The following DOP1A variants were observed in gnomAD, a reference collection of about 807,000 sequenced individuals.
The protein encoded by DOP1A is DOP1 leucine zipper like protein A.
DOP1A carries 90 observed loss-of-function variants against 267.6 expected under a neutral mutation model. That is an observed-to-expected ratio of 0.34 (90% CI 0.28 to 0.40). The LOEUF (loss-of-function observed/expected upper bound fraction) is 0.40. Ranked by LOEUF, DOP1A falls within the 10% of genes least tolerant of loss-of-function variation. The pLI is 1.00. For missense variants in DOP1A, 2,437 were observed against 2,900.4 expected (o/e 0.84, Z 3.67); for synonymous variants, 932 against 999.1 (o/e 0.93, Z 1.27).
intron 1 of DOP1A, among the ~76,000 whole-genome samples, chr6:83,089,853 A>G (rs1414508372): frequency 6.6e-6 from 1 of 152,228 alleles, no homozygotes; most frequent in Admixed American, 6.5e-5. Flanking sequence ...TGTAGTGAAG[A>G]ATCTTGATTG....
In DOP1A at chr6:83,138,922, A is replaced by C; in HGVS notation, c.4880A>C (p.Gln1627Pro). Residue 1627 changes from glutamine to proline, a missense_variant, in exon 21 of 39, where the codon CAG becomes CCG. Coordinates refer to ENST00000349129, the MANE Select transcript of DOP1A (RefSeq NM_015018.4). ...ISPHQPMTSL[Q>P]YLHAQPITCQ... is the part of the protein sequence containing the mutation. ...CCCCATCAACCCATGACTTCTCTTC[A>C]GTATTTGCATGCTCAGCCAATCACA... 1 of 1,614,100 alleles carries C rather than the reference A, an allele frequency of 6.2e-7. No homozygotes were observed. Among genetic ancestry groups the C allele is most frequent in the Non-Finnish European group, 8.5e-7 (1 of 1,179,958 alleles).
intron 33 of DOP1A, among the ~76,000 whole-genome samples, chr6:83,154,888 A>G (rs1038225079): frequency 3.3e-5 from 5 of 152,214 alleles, no homozygotes; most frequent in African/African-American, 9.6e-5. Context: ...CTTTAGCTAA[A>G]GCTACAGTTT....
downstream of DOP1A, chr6:83,168,913 T>C (rs995679992): frequency 7.4e-6 from 8 of 1,082,472 alleles, no homozygotes; most frequent in African/African-American, 1.1e-4. Flanking sequence ...AAGGAGTTGG[T>C]AATAAGATTT....
chr6:83,103,651 T>G (rs1324012459), intron 4 of DOP1A, among the ~76,000 whole-genome samples: 3 of 152,194 alleles, frequency 2.0e-5, no homozygotes, highest in Non-Finnish European at 4.4e-5. Flanking sequence ...TAACTTTTTG[T>G]CCTTATGTGC....
chr6:83,107,356 G>C (rs1480142235), intron 4 of DOP1A, among the ~76,000 whole-genome samples: 1 of 152,164 alleles, frequency 6.6e-6, no homozygotes, highest in Non-Finnish European at 1.5e-5. Context: ...GACTGTGACT[G>C]TATCTTTAGA....
intron 1 of DOP1A, among the ~76,000 whole-genome samples, chr6:83,094,655 C>T (rs775255981): frequency 5.3e-5 from 8 of 152,168 alleles, no homozygotes; most frequent in Middle Eastern, 3.2e-3. Context: ...TGTCATTTTA[C>T]GTACTTATTG....
At chr6:83,102,017 T>C (rs1054091199) in intron 4 of DOP1A, among the ~76,000 whole-genome samples, 1 of 152,204 alleles carries the variant, frequency 6.6e-6, no homozygotes, top group African/African-American at 2.4e-5. Flanking sequence ...AACTGTTTTA[T>C]CTTCTATATG....
At chr6:83,134,704 C>A (rs747377164) in intron 19 of DOP1A, among the ~76,000 whole-genome samples, 8 of 152,140 alleles carry the variant, frequency 5.3e-5, no homozygotes, top group Non-Finnish European at 8.8e-5. Context: ...CTAACAGATT[C>A]TTTCCATGAA....
intron 7 of DOP1A, among the ~76,000 whole-genome samples, chr6:83,114,988 C>G (rs1248784366): frequency 6.6e-6 from 1 of 152,138 alleles, no homozygotes; most frequent in African/African-American, 2.4e-5. Context: ...CACTTTCCCT[C>G]TTTCTATGTC....
chr6:83,140,002 C>T lies in DOP1A; in HGVS notation c.5123C>T (p.Pro1708Leu). 1 of 1,609,654 alleles carries T rather than the reference C, an allele frequency of 6.2e-7. No individual in the cohort carries two copies. Among genetic ancestry groups the T allele is most frequent in the Non-Finnish European group, 8.5e-7 (1 of 1,176,722 alleles). ...KYETGLSDSR[P>L]LWMASIIPPD... ...TAAATGAATGCATTTTACTTCAGGC[C>T]TCTGTGGATGGCATCAATTATTCCA... Residue 1708 changes from proline (P) to leucine (L), a missense_variant and splice_region_variant, in exon 22 of 39, where the codon CCT (proline) becomes CTT (leucine). Around this residue, in one of 9 missense-constraint regions of DOP1A, gnomAD observed 307 missense variants for 308.6 expected, o/e 0.99. Transcript: ENST00000349129.
rs1776112951 is a variant in DOP1A at position 83,120,036 on chromosome 6, A to C, written c.990+179A>C. On this transcript the variant is annotated intron_variant, in intron 9 of 38. Transcript: ENST00000349129. ...CTGTAAAATGATAATCATATGTTAG[A>C]CTACCATGTAAGACAAAAGACTTTT... is the stretch of plus-strand genomic sequence containing the variant. Among the ~76,000 whole-genome samples, 2 of 151,966 alleles carry C rather than the reference A, an allele frequency of 1.3e-5. 1 individual carries two copies. Among genetic ancestry groups the C allele is most frequent in the African/African-American group, 4.8e-5 (2 of 41,426 alleles).
intron 1 of DOP1A, among the ~76,000 whole-genome samples, chr6:83,073,547 TAA>T (rs1785968281): frequency 6.6e-6 from 1 of 152,218 alleles, no homozygotes; most frequent in South Asian, 2.1e-4. Context: ...CATTATGTTT[TAA>T]GTTTCAGAGA....
chr6:83,164,529 T>A, intron 38 of DOP1A: 1 of 862,856 alleles, frequency 1.2e-6, no homozygotes, highest in Non-Finnish European at 1.9e-6. Flanking sequence ...CCAAAATTTG[T>A]CCCACAGAAT....
chr6:83,148,871 A>G lies in DOP1A; in HGVS notation c.5837+8A>G. On this transcript the variant is annotated splice_region_variant and intron_variant, in intron 27 of 38. Coordinates refer to ENST00000349129, the MANE Select transcript of DOP1A (RefSeq NM_015018.4). Reference sequence around the variant, plus strand: ...GCAGTTTCTTATACTTGGGTAAGCAATTTCACTTAATATTATTTCAAATAA... The same window carrying G: ...GCAGTTTCTTATACTTGGGTAAGCAGTTTCACTTAATATTATTTCAAATAA... The G allele has an allele frequency of 2.1e-6, 3 of 1,425,352 alleles. No homozygotes were observed. The highest frequency in any genetic ancestry group is 2.8e-6 in the Non-Finnish European group (3 of 1,056,054). 88.3% of individuals were successfully genotyped at this position (1,425,352 alleles called of 1,614,324 possible).
intron 6 of DOP1A, 108 bp downstream of exon 6, chr6:83,110,422 C>A: frequency 8.9e-7 from 1 of 1,118,206 alleles, no homozygotes; most frequent in Non-Finnish European, 1.2e-6. Flanking sequence ...CTATTTTCAT[C>A]GAGCTTACAT....
intron 4 of DOP1A, among the ~76,000 whole-genome samples, chr6:83,105,589 T>G (rs1773480250): frequency 6.6e-6 from 1 of 152,118 alleles, no homozygotes; most frequent in Non-Finnish European, 1.5e-5. Context: ...GGTCTCGAAC[T>G]CCTGACTTCG....
chr6:83,134,635 A>G (rs1389766465), intron 19 of DOP1A, among the ~76,000 whole-genome samples: 1 of 152,130 alleles, frequency 6.6e-6, no homozygotes, highest in Admixed American at 6.6e-5. Flanking sequence ...GTGTTTCTCA[A>G]GCAATTATTT....
intron 4 of DOP1A, 54 bp downstream of exon 4, chr6:83,100,940 A>G: frequency 8.6e-7 from 1 of 1,165,994 alleles, no homozygotes; most frequent in Non-Finnish European, 1.1e-6. Flanking sequence ...ATGTATTGCT[A>G]AACTATTTTA....
At chr6:83,092,598 C>A (rs1770658988) in intron 1 of DOP1A, among the ~76,000 whole-genome samples, 1 of 125,868 alleles carries the variant, frequency 7.9e-6, no homozygotes, top group Non-Finnish European at 1.6e-5. Context: ...TGTTTTAAGA[C>A]CCCCCTAATG....
Sources: allele counts gnomAD v4.1 joint callset (sites outside exome capture counted in the v4.1 genomes callset), GRCh38; gene constraint gnomAD v4.1.1; regional missense constraint gnomAD v4.1.1; transcripts MANE v1.5; gene names NCBI Gene and HGNC (gene_info 2026-07-23, HGNC 2026-07-21).